The following NCKAP5 variants were observed in gnomAD, a reference collection of about 807,000 sequenced individuals.
NCKAP5 encodes nck-associated protein 5.
Under a neutral mutation model 167.0 loss-of-function variants are expected in NCKAP5, and 92 were observed. That is an observed-to-expected ratio of 0.55 (90% CI 0.47 to 0.66). The LOEUF is 0.66. Among genes scored for constraint, NCKAP5 ranks in the 30% least tolerant of loss-of-function variants. NCKAP5 has a pLI of 0.00. For synonymous variants in NCKAP5, 891 were observed against 877.4 expected (o/e 1.02, Z -0.27); for missense variants, 2,378 against 2,315.0 (o/e 1.03, Z -0.56).
chr2:133,637,287 A>G, the NCKAP5 span, among the ~76,000 whole-genome samples: 1 of 151,836 alleles, frequency 6.6e-6, no homozygotes, highest in Admixed American at 6.6e-5. Context: ...TGTTGCCCTA[A>G]TTTGGTAGCA....
chr2:133,394,909 G>C (rs574879055), intron 3 of NCKAP5, among the ~76,000 whole-genome samples: 35 of 152,300 alleles, frequency 2.3e-4, no homozygotes, highest in African/African-American at 8.4e-4. Flanking sequence ...TTAAAAAGCA[G>C]ATTTGTTCAC....
intron 8 of NCKAP5, among the ~76,000 whole-genome samples, chr2:132,938,644 C>A (rs2149089812): frequency 6.6e-6 from 1 of 152,248 alleles, no homozygotes; most frequent in East Asian, 1.9e-4. Flanking sequence ...GGAAAATGGC[C>A]AAATGCTTCT....
intron 9 of NCKAP5, among the ~76,000 whole-genome samples, chr2:132,869,224 T>G (rs2148760766): frequency 6.6e-6 from 1 of 152,302 alleles, no homozygotes; most frequent in East Asian, 1.9e-4. Flanking sequence ...ATACCTTGAC[T>G]TTCACATTTC....
At chr2:132,893,199 C>T (rs993212023) in intron 8 of NCKAP5, among the ~76,000 whole-genome samples, 1 of 152,126 alleles carries the variant, frequency 6.6e-6, no homozygotes, top group African/African-American at 2.4e-5. Flanking sequence ...CACTCATGTG[C>T]CACTGGTGGG....
intron 4 of NCKAP5, among the ~76,000 whole-genome samples, chr2:133,255,138 A>G (rs2088552666): frequency 6.6e-6 from 1 of 152,300 alleles, no homozygotes; most frequent in South Asian, 2.1e-4. Flanking sequence ...AAATAAAAGA[A>G]AGAAAAAAGG....
chr2:133,330,053 C>CTTTTTTTTTTTTTTTTT (rs1165568563), intron 3 of NCKAP5, among the ~76,000 whole-genome samples: 2 of 85,692 alleles, frequency 2.3e-5, no homozygotes, highest in African/African-American at 9.3e-5. Context: ...AAAGCAAGAC[C>CTTTTTTTTTTTTTTTTT]TTTTTTTTTT....
the NCKAP5 span, among the ~76,000 whole-genome samples, chr2:133,651,721 C>T: frequency 2.0e-5 from 3 of 152,132 alleles, no homozygotes; most frequent in African/African-American, 7.2e-5. Context: ...ATGTGTATTA[C>T]AGTACTATTA....
intron 3 of NCKAP5, among the ~76,000 whole-genome samples, chr2:133,440,749 A>C (rs536754155): frequency 1.3e-5 from 2 of 150,374 alleles, no homozygotes; most frequent in East Asian, 3.9e-4. Context: ...AAGATTTTAG[A>C]ATATGAGAGG....
At chr2:132,948,128 G>T (rs534622729) in intron 8 of NCKAP5, among the ~76,000 whole-genome samples, 1 of 152,252 alleles carries the variant, frequency 6.6e-6, no homozygotes, top group African/African-American at 2.4e-5. Flanking sequence ...CGGTAATGAT[G>T]ACAGTTTTTT....
intron 3 of NCKAP5, among the ~76,000 whole-genome samples, chr2:133,512,044 G>A (rs1234698518): frequency 1.3e-5 from 2 of 152,152 alleles, no homozygotes; most frequent in Non-Finnish European, 2.9e-5. Flanking sequence ...AGAGAACCAT[G>A]AGAGTCAAGA....
intron 19 of NCKAP5, among the ~76,000 whole-genome samples, chr2:132,694,806 C>T (rs1459058564): frequency 6.6e-6 from 1 of 152,154 alleles, no homozygotes; most frequent in Non-Finnish European, 1.5e-5. Context: ...TGTTGTGTCA[C>T]AAAAGTTAGG....
intron 11 of NCKAP5, among the ~76,000 whole-genome samples, chr2:132,854,029 C>T (rs1689275973): frequency 6.6e-6 from 1 of 152,176 alleles, no homozygotes; most frequent in African/African-American, 2.4e-5. Context: ...CCTGGTTTCA[C>T]GTAATCCTTA....
At chr2:132,837,711 A>G (rs1350025617) in intron 11 of NCKAP5, among the ~76,000 whole-genome samples, 1 of 152,128 alleles carries the variant, frequency 6.6e-6, no homozygotes, top group African/African-American at 2.4e-5. Context: ...TTGACTATCC[A>G]TTAACACAGG....
At chr2:133,113,011 A>C (rs995548053) in intron 6 of NCKAP5, among the ~76,000 whole-genome samples, 2 of 152,200 alleles carry the variant, frequency 1.3e-5, no homozygotes, top group South Asian at 4.1e-4. Flanking sequence ...TCCTTGCTGA[A>C]TTCTGCTTCC....
At chr2:133,450,600 A>T (rs1271362908) in intron 3 of NCKAP5, among the ~76,000 whole-genome samples, 1 of 152,242 alleles carries the variant, frequency 6.6e-6, no homozygotes, top group African/African-American at 2.4e-5. Context: ...TTAAAAATAT[A>T]TATCCAACAA....
rs568783035 is a variant in NCKAP5, at chr2:133,067,933, A to G, written c.341+62045T>C. ...CAGAAGTGTCCTCAATTGGGATAAT[A>G]CAACCAGAACTTTATTCCCCTCATG... On this transcript the variant is annotated intron_variant, in intron 6 of 19. Transcript: ENST00000409261. Among the ~76,000 whole-genome samples the G allele has an allele frequency of 5.9e-5, 9 of 152,260 alleles. No homozygotes were observed. The South Asian group carries it at 1.9e-3, about 32-fold the overall frequency.
chr2:133,028,865 T>A (rs1489707783), intron 6 of NCKAP5, among the ~76,000 whole-genome samples: 1 of 152,146 alleles, frequency 6.6e-6, no homozygotes, highest in African/African-American at 2.4e-5. Context: ...GCTGTTCTCA[T>A]GACAGTAAGC....
At chr2:133,463,776 C>T (rs1403035486) in intron 3 of NCKAP5, among the ~76,000 whole-genome samples, 1 of 152,214 alleles carries the variant, frequency 6.6e-6, no homozygotes, top group African/African-American at 2.4e-5. Flanking sequence ...TACATGGCAA[C>T]AACTCTTTAT....
chr2:133,460,378 A>G (rs955069725), intron 3 of NCKAP5, among the ~76,000 whole-genome samples: 16 of 152,208 alleles, frequency 1.1e-4, no homozygotes, highest in African/African-American at 3.4e-4. Flanking sequence ...AGGCCAATAT[A>G]TTTTAATTTT....
Sources: gnomAD v4.1 joint callset for allele counts (sites outside exome capture counted in the v4.1 genomes callset) on GRCh38, gnomAD v4.1.1 for gene constraint, MANE v1.5 for transcripts, NCBI Gene and HGNC (gene_info 2026-07-23, HGNC 2026-07-21) for gene names.